The following ATRN variants were observed in gnomAD, a reference collection of about 807,000 sequenced individuals.
ATRN encodes attractin, also known as attractin-2.
A neutral mutation model predicts 178.7 loss-of-function variants in ATRN; 54 were observed. That is an observed-to-expected ratio of 0.30 (90% CI 0.24 to 0.38). The LOEUF is 0.38. Among genes scored for constraint, ATRN ranks in the 10% least tolerant of loss-of-function variants. ATRN has a pLI of 1.00. For missense variants in ATRN, 1,443 were observed against 1,815.1 expected, an observed-to-expected ratio of 0.79 and a Z score of 3.73; for synonymous variants, 636 against 663.0, an observed-to-expected ratio of 0.96 and a Z score of 0.63.
intron 20 of ATRN, among the ~76,000 whole-genome samples, chr20:3,596,051 G>A (rs933116183): frequency 5.9e-5 from 9 of 152,214 alleles, no homozygotes; most frequent in African/African-American, 2.2e-4. Flanking sequence ...TGTTTTGACT[G>A]CACTTTTAGA....
At chr20:3,559,269 A>C (rs541376569) in intron 6 of ATRN, 124 bp from the exon 7 acceptor site, 1 of 720,054 alleles carries the variant, frequency 1.4e-6, no homozygotes, top group African/African-American at 1.8e-5. Flanking sequence ...GAAGGTGACA[A>C]GTGCCCCCCT....
intron 1 of ATRN, among the ~76,000 whole-genome samples, chr20:3,489,189 G>C (rs2084742723): frequency 1.3e-5 from 2 of 152,190 alleles, no homozygotes. Flanking sequence ...TTGAACTCCT[G>C]ACCTCAAGTG....
At chr20:3,588,905 G>A (rs1299028222) in intron 18 of ATRN, among the ~76,000 whole-genome samples, 1 of 149,884 alleles carries the variant, frequency 6.7e-6, no homozygotes, top group Non-Finnish European at 1.5e-5. Context: ...GTCAGTTTTG[G>A]TAATCTGTTT....
At chr20:3,620,908 A>G (rs2086892237) in intron 24 of ATRN, among the ~76,000 whole-genome samples, 1 of 152,226 alleles carries the variant, frequency 6.6e-6, no homozygotes. Context: ...CCCGCGGGCT[A>G]CATGCAGCCC....
At chr20:3,642,467 T>C (rs77481077) in intron 27 of ATRN, among the ~76,000 whole-genome samples, 1 of 152,244 alleles carries the variant, frequency 6.6e-6, no homozygotes, top group East Asian at 1.9e-4. Context: ...CTTGATGTCA[T>C]GTTCTCATTG....
intron 1 of ATRN, among the ~76,000 whole-genome samples, chr20:3,517,477 T>C (rs1256433723): frequency 6.6e-6 from 1 of 151,956 alleles, no homozygotes; most frequent in African/African-American, 2.4e-5. Context: ...CAATGACCAT[T>C]GCTTTTACAA....
At chr20:3,590,171 G>A (rs905301713) in intron 18 of ATRN, among the ~76,000 whole-genome samples, 5 of 152,102 alleles carry the variant, frequency 3.3e-5, no homozygotes, top group Non-Finnish European at 7.4e-5. Flanking sequence ...GGCTGATCTC[G>A]AACTCCTGAC....
At chr20:3,592,171 A>T (rs558867365) in intron 19 of ATRN, among the ~76,000 whole-genome samples, 4 of 152,200 alleles carry the variant, frequency 2.6e-5, no homozygotes, top group Non-Finnish European at 5.9e-5. Context: ...AGGCCAAGGC[A>T]GGTGGATCAC....
chr20:3,509,084 A>G (rs2085086511), intron 1 of ATRN, among the ~76,000 whole-genome samples: 1 of 152,226 alleles, frequency 6.6e-6, no homozygotes, highest in African/African-American at 2.4e-5. Context: ...AGGAAAAGGA[A>G]CATAGAGTAA....
intron 24 of ATRN, among the ~76,000 whole-genome samples, chr20:3,610,567 A>ATTT (rs35770410): frequency 0.033 from 3,134 of 93,574 alleles, 138 homozygotes; most frequent in Non-Finnish European, 0.049. Flanking sequence ...TTCCAGCTGA[A>ATTT]TTTTTTTTTT....
chr20:3,609,714 ATGTGTGTGTG>A (rs34028518), intron 24 of ATRN, among the ~76,000 whole-genome samples: 32 of 146,112 alleles, frequency 2.2e-4, no homozygotes, highest in Admixed American at 3.4e-4. Context: ...GTATGTATGT[ATGTGTGTGTG>A]TGTGTGTGTG....
At chr20:3,498,342 A>G (rs2084909480) in intron 1 of ATRN, among the ~76,000 whole-genome samples, 1 of 152,228 alleles carries the variant, frequency 6.6e-6, no homozygotes, top group Non-Finnish European at 1.5e-5. Flanking sequence ...TGAGGCCAGC[A>G]TCATCCTGAT....
At chr20:3,584,975 C>A in intron 18 of ATRN, 95 bp downstream of exon 18, 1 of 1,156,884 alleles carries the variant, frequency 8.6e-7, no homozygotes, top group Non-Finnish European at 1.3e-6. Context: ...TAACTCCCTG[C>A]CCTCAGCCCC....
chr20:3,597,185 A>T (rs116849151), intron 21 of ATRN, among the ~76,000 whole-genome samples: 3,806 of 151,628 alleles, frequency 0.025, 62 homozygotes, highest in Non-Finnish European at 0.037. Flanking sequence ...TAATGAAACT[A>T]TATAAAAATT....
At chr20:3,607,933 C>T (rs1047991931) in intron 24 of ATRN, among the ~76,000 whole-genome samples, 3 of 152,122 alleles carry the variant, frequency 2.0e-5, no homozygotes, top group African/African-American at 7.2e-5. Context: ...GATGATTTCT[C>T]ATTATGGTTT....
At chr20:3,535,624 C>CACACACAT (rs2085520269) in intron 2 of ATRN, among the ~76,000 whole-genome samples, 1 of 143,108 alleles carries the variant, frequency 7.0e-6, no homozygotes, top group African/African-American at 2.7e-5. Context: ...CACACACACA[C>CACACACAT]ACATATATAT....
intron 6 of ATRN, among the ~76,000 whole-genome samples, chr20:3,557,393 A>G (rs1190291245): frequency 6.6e-6 from 1 of 152,198 alleles, no homozygotes; most frequent in East Asian, 1.9e-4. Context: ...TCAAGGGAGC[A>G]ACATCTGCGA....
chr20:3,557,336 G>A (rs1355913914), intron 6 of ATRN, among the ~76,000 whole-genome samples: 2 of 152,170 alleles, frequency 1.3e-5, no homozygotes, highest in Admixed American at 6.5e-5. Context: ...AGGGAAATAA[G>A]CTGGCCACAG....
chr20:3,514,563 T>C (rs2146134906), intron 1 of ATRN, among the ~76,000 whole-genome samples: 1 of 152,334 alleles, frequency 6.6e-6, no homozygotes, highest in East Asian at 1.9e-4. Context: ...TCAGTATCAT[T>C]CGCAACATTT....
Sources: gnomAD v4.1 joint callset for allele counts (sites outside exome capture counted in the v4.1 genomes callset) on GRCh38, gnomAD v4.1.1 for gene constraint, MANE v1.5 for transcripts, NCBI Gene and HGNC (gene_info 2026-07-23, HGNC 2026-07-21) for gene names.